The following FTO variants were observed in gnomAD, a reference collection of about 807,000 sequenced individuals.
The protein encoded by FTO is FTO alpha-ketoglutarate dependent dioxygenase.
FTO carries 47 observed loss-of-function variants against 63.9 expected under a neutral mutation model. That is an observed-to-expected ratio of 0.74 (90% CI 0.58 to 0.94). The LOEUF is 0.94. Ranked by LOEUF, FTO falls within the 40% of genes least tolerant of loss-of-function variation. The probability of loss-of-function intolerance (pLI) is 0.00; values close to 1 mark genes in which losing one functional copy is unlikely to be tolerated. For missense variants in FTO, 562 were observed against 618.1 expected, an observed-to-expected ratio of 0.91 and a Z score of 0.96; for synonymous variants, 207 against 224.4, an observed-to-expected ratio of 0.92 and a Z score of 0.69.
At chr16:53,967,748 C>G (rs761540238) in intron 8 of FTO, among the ~76,000 whole-genome samples, 1 of 152,148 alleles carries the variant, frequency 6.6e-6, no homozygotes, top group African/African-American at 2.4e-5. Flanking sequence ...CGAAGTAAAA[C>G]AGTTTTAATT....
intron 3 of FTO, among the ~76,000 whole-genome samples, chr16:53,840,622 GGCATGACTGTGTTCTA>G (rs1222162022): frequency 6.6e-6 from 1 of 152,132 alleles, no homozygotes; most frequent in Admixed American, 6.5e-5. Context: ...TAAATGAATG[GGCATGACTGTGTTCTA>G]GTTAAACTTT....
intron 7 of FTO, among the ~76,000 whole-genome samples, chr16:53,914,506 C>A (rs1239647024): frequency 6.6e-6 from 1 of 152,088 alleles, no homozygotes; most frequent in Admixed American, 6.6e-5. Context: ...ATTCCTGCCT[C>A]CTGTCAAGTC....
intron 8 of FTO, among the ~76,000 whole-genome samples, chr16:54,078,764 C>T (rs1256882399): frequency 3.3e-5 from 5 of 152,066 alleles, no homozygotes; most frequent in African/African-American, 1.2e-4. Context: ...TTTGTTTAAA[C>T]TCTAAAACAG....
chr16:53,843,845 C>G (rs1273828738), intron 3 of FTO, among the ~76,000 whole-genome samples: 1 of 150,652 alleles, frequency 6.6e-6, no homozygotes, highest in African/African-American at 2.4e-5. Flanking sequence ...AGATGGGGGT[C>G]TTGATTTCTT....
chr16:53,902,788 C>A (rs886545172), intron 7 of FTO, among the ~76,000 whole-genome samples: 1 of 152,190 alleles, frequency 6.6e-6, no homozygotes, highest in Admixed American at 6.5e-5. Context: ...AATATACATA[C>A]AATATCATAG....
chr16:53,955,533 G>A (rs1026154834), intron 8 of FTO, among the ~76,000 whole-genome samples: 2 of 152,086 alleles, frequency 1.3e-5, no homozygotes, highest in Admixed American at 1.3e-4. Context: ...AGAGGAAGGA[G>A]GGGTCACATT....
chr16:53,745,761 C>T (rs2076635416), intron 1 of FTO, among the ~76,000 whole-genome samples: 1 of 152,072 alleles, frequency 6.6e-6, no homozygotes, highest in Non-Finnish European at 1.5e-5. Context: ...GTGAGGGTTC[C>T]GTTGCTTTGG....
intron 8 of FTO, among the ~76,000 whole-genome samples, chr16:53,987,487 G>A (rs765991718): frequency 5.9e-5 from 9 of 151,708 alleles, no homozygotes; most frequent in Non-Finnish European, 8.8e-5. Flanking sequence ...GGAGGCTGAG[G>A]CAGGAAAATT....
At chr16:54,105,619 T>C (rs1165940634) in intron 8 of FTO, among the ~76,000 whole-genome samples, 1 of 152,234 alleles carries the variant, frequency 6.6e-6, no homozygotes, top group Non-Finnish European at 1.5e-5. Context: ...ATTGACATTA[T>C]TCGGGACATT....
intron 8 of FTO, among the ~76,000 whole-genome samples, chr16:54,015,145 A>AT (rs1296614724): frequency 6.6e-6 from 1 of 152,128 alleles, no homozygotes; most frequent in East Asian, 1.9e-4. Flanking sequence ...GATTGCAGGC[A>AT]TGAGCCACCA....
At chr16:53,818,281 A>AT (rs1216403119) in intron 2 of FTO, among the ~76,000 whole-genome samples, 1 of 151,414 alleles carries the variant, frequency 6.6e-6, no homozygotes, top group Non-Finnish European at 1.5e-5. Context: ...TTAGGTTGAG[A>AT]TTTTTTTCTC....
chr16:53,849,793 A>T (rs1408662980), intron 4 of FTO, among the ~76,000 whole-genome samples: 1 of 152,220 alleles, frequency 6.6e-6, no homozygotes, highest in Non-Finnish European at 1.5e-5. Flanking sequence ...GAGCAGGAAG[A>T]ACAGAGGTCT....
intron 8 of FTO, chr16:54,034,159 A>C (rs1403107243): frequency 6.6e-6 from 1 of 152,210 alleles, no homozygotes; most frequent in African/African-American, 2.4e-5. Flanking sequence ...ACTGAAAGGT[A>C]TATGTGAAAT....
chr16:53,818,171 CTT>C (rs57562818), intron 2 of FTO, among the ~76,000 whole-genome samples: 53,457 of 147,568 alleles, frequency 0.36, 10,022 homozygotes, highest in Middle Eastern at 0.54. Context: ...GTTACTTGTT[CTT>C]TTTTTTTTTT....
At chr16:53,968,015 G>T (rs1384405093) in intron 8 of FTO, among the ~76,000 whole-genome samples, 5 of 152,124 alleles carry the variant, frequency 3.3e-5, no homozygotes, top group Admixed American at 6.5e-5. Flanking sequence ...TTATATGTAT[G>T]TATATGTGTG....
chr16:54,049,233 A>C (rs1358418347), intron 8 of FTO, among the ~76,000 whole-genome samples: 2 of 152,222 alleles, frequency 1.3e-5, no homozygotes, highest in African/African-American at 4.8e-5. Context: ...TTAACTCAGC[A>C]AGCCTGTCAG....
At position 54,115,232 on chromosome 16, in the gene FTO, C is replaced by T. The variant is rs2086966736; in HGVS notation, c.*3317C>T. On this transcript the variant is annotated 3_prime_UTR_variant, in exon 9 of 9. Transcript: ENST00000471389. ...TTGAGAAAAGTGATCTAAGAGATCC[C>T]TTTGCAATGAGGTGCTACTGACTGC... is the stretch of plus-strand genomic sequence containing the variant. 6.6e-6 allele frequency: 1 copy of T among 152,214 alleles called. No homozygotes were observed. 9.4% of individuals were successfully genotyped at this position (152,214 alleles called of 1,614,324 possible).
At chr16:53,794,374 T>C (rs1567992442) in intron 1 of FTO, among the ~76,000 whole-genome samples, 1 of 152,198 alleles carries the variant, frequency 6.6e-6, no homozygotes, top group Non-Finnish European at 1.5e-5. Context: ...GACAAGATAG[T>C]GTTGTAGACC....
At chr16:53,856,986 A>T (rs1034626864) in intron 4 of FTO, among the ~76,000 whole-genome samples, 2 of 152,124 alleles carry the variant, frequency 1.3e-5, no homozygotes, top group Non-Finnish European at 2.9e-5. Flanking sequence ...TAAAAAATTG[A>T]ATGCCCTTAA....
Sources: gnomAD v4.1 joint callset for allele counts (sites outside exome capture counted in the v4.1 genomes callset) on GRCh38, gnomAD v4.1.1 for gene constraint, MANE v1.5 for transcripts, NCBI Gene and HGNC (gene_info 2026-07-23, HGNC 2026-07-21) for gene names.